The following WWOX variants were observed in gnomAD, a reference collection of about 807,000 sequenced individuals.
WWOX encodes the protein WW domain-containing oxidoreductase.
WWOX carries 69 observed loss-of-function variants against 46.2 expected under a neutral mutation model. The ratio of observed to expected loss-of-function variants is 1.49; its 90% CI spans 1.23 to 1.82. The LOEUF is 1.82. WWOX is among the 40% of genes most tolerant of loss of function. The pLI is 0.00. For missense variants in WWOX, 919 were observed against 542.6 expected, an observed-to-expected ratio of 1.69 and a Z score of -6.89; for synonymous variants, 359 against 202.6, an observed-to-expected ratio of 1.77 and a Z score of -6.56.
intron 8 of WWOX, among the ~76,000 whole-genome samples, chr16:79,007,675 C>G (rs2047216981): frequency 6.6e-6 from 1 of 152,228 alleles, no homozygotes; most frequent in South Asian, 2.1e-4. Flanking sequence ...GCACTGTTAT[C>G]AGATGAAGAA....
chr16:78,690,840 C>G (rs763183030), intron 8 of WWOX, among the ~76,000 whole-genome samples: 1 of 152,186 alleles, frequency 6.6e-6, no homozygotes, highest in Non-Finnish European at 1.5e-5. Context: ...GCTCCAGCAG[C>G]CTACCCAGGA....
At chr16:79,194,868 A>G (rs186509045) in intron 8 of WWOX, among the ~76,000 whole-genome samples, 72 of 152,298 alleles carry the variant, frequency 4.7e-4, no homozygotes, top group Non-Finnish European at 9.4e-4. Context: ...AGATGCTCCC[A>G]GAGTCTATGC....
At chr16:78,293,372 G>A (rs2079889319) in intron 5 of WWOX, among the ~76,000 whole-genome samples, 4 of 152,146 alleles carry the variant, frequency 2.6e-5, no homozygotes, top group Non-Finnish European at 1.5e-5. Context: ...CTGAGTCCAG[G>A]CATCTTTAGA....
At chr16:79,022,715 G>A (rs556159274) in intron 8 of WWOX, among the ~76,000 whole-genome samples, 74 of 152,300 alleles carry the variant, frequency 4.9e-4, no homozygotes, top group Non-Finnish European at 6.9e-4. Flanking sequence ...CCAAGAGGGA[G>A]GGGAGGCCAA....
intron 8 of WWOX, among the ~76,000 whole-genome samples, chr16:78,534,194 G>C (rs1188997421): frequency 1.3e-5 from 2 of 152,138 alleles, no homozygotes; most frequent in Non-Finnish European, 1.5e-5. Context: ...GTGGATAGGA[G>C]GCTTACCCAC....
intron 8 of WWOX, among the ~76,000 whole-genome samples, chr16:78,704,123 G>A (rs1276468388): frequency 6.6e-6 from 1 of 151,810 alleles, no homozygotes; most frequent in Non-Finnish European, 1.5e-5. Flanking sequence ...GGTGGAAAGG[G>A]GCAGGCTGTG....
At chr16:79,194,153 C>G (rs975764532) in intron 8 of WWOX, among the ~76,000 whole-genome samples, 10 of 152,058 alleles carry the variant, frequency 6.6e-5, no homozygotes, top group African/African-American at 2.2e-4. Context: ...AAGTGTAGCT[C>G]CAATGTGAGT....
intron 8 of WWOX, among the ~76,000 whole-genome samples, chr16:78,637,036 C>T (rs1199625117): frequency 6.6e-6 from 1 of 152,164 alleles, no homozygotes; most frequent in Non-Finnish European, 1.5e-5. Flanking sequence ...CTGTCCAATC[C>T]CTGCTCATCT....
At chr16:78,752,068 C>A (rs956918278) in intron 8 of WWOX, among the ~76,000 whole-genome samples, 13 of 152,150 alleles carry the variant, frequency 8.5e-5, no homozygotes, top group African/African-American at 3.1e-4. Context: ...AACATAAATT[C>A]TAACATTGGT....
At chr16:78,480,801 A>G (rs116563683) in intron 8 of WWOX, among the ~76,000 whole-genome samples, 2,875 of 152,316 alleles carry the variant, frequency 0.019, 91 homozygotes, top group African/African-American at 0.066. Flanking sequence ...TTAGCTTTGA[A>G]ATGTATTGTA....
intron 8 of WWOX, among the ~76,000 whole-genome samples, chr16:78,954,534 G>A (rs2046126236): frequency 1.3e-5 from 2 of 152,164 alleles, no homozygotes; most frequent in African/African-American, 4.8e-5. Context: ...CTGCCCAAAT[G>A]CCCCATTTCC....
chr16:78,106,157 A>G (rs961873345), intron 1 of WWOX, among the ~76,000 whole-genome samples: 1 of 152,174 alleles, frequency 6.6e-6, no homozygotes, highest in Non-Finnish European at 1.5e-5. Context: ...AGCACATTTG[A>G]TGTGTGCCTA....
At chr16:79,077,209 C>T (rs1163493037) in intron 8 of WWOX, among the ~76,000 whole-genome samples, 1 of 152,080 alleles carries the variant, frequency 6.6e-6, no homozygotes, top group African/African-American at 2.4e-5. Flanking sequence ...AGCTTAAAAC[C>T]CATTAGTTTC....
chr16:78,929,894 C>T (rs2045581181), intron 8 of WWOX, among the ~76,000 whole-genome samples: 1 of 152,110 alleles, frequency 6.6e-6, no homozygotes, highest in Non-Finnish European at 1.5e-5. Flanking sequence ...ATCCTTCTTT[C>T]TTAGAAGCAG....
intron 8 of WWOX, among the ~76,000 whole-genome samples, chr16:78,606,179 A>T (rs1194005353): frequency 6.6e-6 from 1 of 152,240 alleles, no homozygotes; most frequent in African/African-American, 2.4e-5. Context: ...CTGGGCTATT[A>T]TTAAAACTTA....
intron 8 of WWOX, among the ~76,000 whole-genome samples, chr16:79,105,695 C>T (rs867588355): frequency 6.6e-6 from 1 of 150,710 alleles, no homozygotes; most frequent in African/African-American, 2.4e-5. Flanking sequence ...CAGGGTCTCA[C>T]TCTGTCACTC....
At chr16:79,210,119 T>TGTCTC (rs2051671393) in intron 8 of WWOX, among the ~76,000 whole-genome samples, 1 of 152,192 alleles carries the variant, frequency 6.6e-6, no homozygotes, top group Non-Finnish European at 1.5e-5. Context: ...CCCAAGTCTT[T>TGTCTC]GTCTCACTCA....
intron 8 of WWOX, among the ~76,000 whole-genome samples, chr16:79,064,977 G>T (rs531165433): frequency 2.6e-4 from 39 of 152,300 alleles, no homozygotes; most frequent in African/African-American, 8.9e-4. Flanking sequence ...ATGCCCCTGA[G>T]CACCTGTGTG....
chr16:79,008,874 C>T (rs1187558471), intron 8 of WWOX, among the ~76,000 whole-genome samples: 2 of 125,142 alleles, frequency 1.6e-5, no homozygotes, highest in Admixed American at 8.8e-5. Flanking sequence ...ATTGGAGCCA[C>T]GTGTGTATAA....
Sources: gnomAD v4.1 joint callset for allele counts (sites outside exome capture counted in the v4.1 genomes callset) on GRCh38, gnomAD v4.1.1 for gene constraint, MANE v1.5 for transcripts, NCBI Gene and HGNC (gene_info 2026-07-23, HGNC 2026-07-21) for gene names.